Variants in PNKP observed in about 807,000 individuals in gnomAD.
The protein encoded by PNKP is polynucleotide kinase 3'-phosphatase.
In PNKP, 82 loss-of-function variants were observed where a neutral mutation model predicts 66.2. The ratio of observed to expected loss-of-function variants is 1.24; its 90% CI spans 1.04 to 1.49. The LOEUF is 1.49. Among genes scored for constraint, PNKP ranks in the 40% most tolerant of loss-of-function variants. PNKP has a pLI of 0.00. For synonymous variants in PNKP, 412 were observed against 298.9 expected, an observed-to-expected ratio of 1.38 and a Z score of -3.90; for missense variants, 907 against 706.8, an observed-to-expected ratio of 1.28 and a Z score of -3.21.
rs749242089 is a variant in PNKP at position 49,865,601 on chromosome 19, C to CT, written c.199-176dup. The CT allele has an allele frequency of 0.041, 12,915 of 315,432 alleles. 9 individuals carry two copies. The highest frequency in any genetic ancestry group is 0.05 in the South Asian group (1,351 of 27,276). 19.5% of individuals were successfully genotyped at this position (315,432 alleles called of 1,614,324 possible). ...TACAGGTTTTCAGCCTTGTCCGAAT[C>CT]TTTTTTTTTTTTTTTTTTTTTTTTC... is the stretch of plus-strand genomic sequence containing the variant. On this transcript the variant is annotated intron_variant, in intron 3 of 16. Coordinates refer to ENST00000322344, the MANE Select transcript of PNKP (RefSeq NM_007254.4).
intron 11 of PNKP, 23 bp from the exon 12 acceptor site, chr19:49,862,304 G>A (rs1178125532): frequency 3.2e-6 from 5 of 1,550,152 alleles, no homozygotes; most frequent in Middle Eastern, 2.1e-4. Context: ...GGGGACACGC[G>A]TGAGATGCCG....
At position 49,862,315 on chromosome 19, in the gene PNKP, T is replaced by A. The variant is rs3739201; in HGVS notation, c.1030-34A>T. 4 of 1,544,276 alleles carry A rather than the reference T, an allele frequency of 2.6e-6. No homozygotes were observed. The South Asian group carries it at 3.6e-5, about 14-fold the overall frequency. On this transcript the variant is annotated intron_variant, in intron 11 of 16. Transcript: ENST00000322344. ...GGCGGGGGACACGCGTGAGATGCCG[T>A]CCCCATCCCCGGGAGCCCTCCCATC...
chr19:49,867,251 C>T, intron 1 of PNKP, 34 bp from the exon 2 acceptor site: 1 of 1,569,420 alleles, frequency 6.4e-7, no homozygotes, highest in East Asian at 2.4e-5. Context: ...GAGCGGCGCA[C>T]AGCCCCAATT....
At chr19:49,866,473 T>C (rs1479303541) in intron 2 of PNKP, 28 bp from the exon 3 acceptor site, 1 of 1,612,320 alleles carries the variant, frequency 6.2e-7, no homozygotes, top group African/African-American at 1.3e-5. Flanking sequence ...GGAGTCAGGA[T>C]TTGCATCCTT....
At chr19:49,862,340 C>CGGG in intron 11 of PNKP, 31 bp downstream of exon 11, 1 of 652,670 alleles carries the variant, frequency 1.5e-6, no homozygotes, top group Non-Finnish European at 2.7e-6. Context: ...GCCCTCCCAT[C>CGGG]CCCACCCCCA....
chr19:49,866,530 T>C lies in PNKP; in HGVS notation c.152-85A>G, dbSNP rs3739172. ...CTGGGGAGTGTGGCCTGCTTCAGGC[T>C]ATAGCATCCAGGGAGTAAGAGGCAG... is the stretch of plus-strand genomic sequence containing the variant. On this transcript the variant is annotated intron_variant, in intron 2 of 16. Transcript: ENST00000322344. 0.018 allele frequency: 23,746 copies of C among 1,304,410 alleles called. 274 individuals are homozygous for C. The highest frequency in any genetic ancestry group is 0.023 in the Non-Finnish European group (20,250 of 897,206). 80.8% of individuals were successfully genotyped at this position (1,304,410 alleles called of 1,614,324 possible).
intron 15 of PNKP, 27 bp downstream of exon 15, chr19:49,861,581 G>T (rs951128702): frequency 6.4e-7 from 1 of 1,559,806 alleles, no homozygotes; most frequent in African/African-American, 1.4e-5. Context: ...GTGCAGCCCG[G>T]GGGGTGTCCG....
chr19:49,866,633 G>A, intron 2 of PNKP, 188 bp from the exon 3 acceptor site: 1 of 703,668 alleles, frequency 1.4e-6, no homozygotes, highest in Non-Finnish European at 2.6e-6. Context: ...ACTGGTCCTT[G>A]CAAGGGACAG....
In PNKP at chr19:49,861,275, C is replaced by T. The variant is rs776243333; in HGVS notation, c.1539G>A (p.Arg513=). 1.2e-6 allele frequency: 2 copies of T among 1,613,036 alleles called. No homozygotes were observed. Among genetic ancestry groups the T allele is most frequent in the Admixed American group, 1.7e-5 (1 of 60,032 alleles). The change falls in exon 17 of 17, where the codon CGG becomes CGA. Residue 513 remains arginine (R), a synonymous_variant. Coordinates refer to ENST00000322344, the MANE Select transcript of PNKP (RefSeq NM_007254.4). ...AGCCCTCGGAGAACTGGCAGTACAG[C>T]CGCCCCAGCCTCGGCTCCACCCATA... ...FRLWVEPRLG[R]LYCQFSEG
rs766826936 is a variant in PNKP, at chr19:49,865,268, C to T, written c.357G>A (p.Pro119=). ...TRTPESQPDT[P]PGTPLVSQDE... ...CTTGGGACACCAGAGGGGTGCCAGG[C>T]GGAGTATCTGGCTGGGATTCTGGTG... Residue 119 remains proline (P), a synonymous_variant, in exon 4 of 17, where the codon CCG becomes CCA. Transcript: ENST00000322344. 23 of 1,614,088 alleles carry T rather than the reference C, an allele frequency of 1.4e-5. No individual in the cohort carries two copies. In the East Asian group the frequency reaches 2.9e-4, roughly 20 times the overall value.
chr19:49,862,158 GC>G, intron 12 of PNKP, 26 bp downstream of exon 12: 2 of 1,613,328 alleles, frequency 1.2e-6, no homozygotes, highest in Non-Finnish European at 1.7e-6. Context: ...GGGGCTCAGG[GC>G]ACGCGCACAG....
intron 13 of PNKP, 73 bp downstream of exon 13, chr19:49,861,971 C>T: frequency 2.5e-6 from 4 of 1,594,562 alleles, no homozygotes; most frequent in Non-Finnish European, 2.6e-6. Context: ...TGGAGGAAAG[C>T]CGCCCCAAAC....
At chr19:49,862,930 C>A (rs2074789643) in intron 8 of PNKP, 192 bp from the exon 9 acceptor site, 2 of 689,864 alleles carry the variant, frequency 2.9e-6, no homozygotes, top group Non-Finnish European at 2.6e-6. Context: ...TCCACACAGC[C>A]CCCTCCCTCC....
rs1298297107 is a variant in PNKP, at chr19:49,865,175, C to T, written c.450G>A (p.Leu150=). 2 of 1,614,254 alleles carry T rather than the reference C, an allele frequency of 1.2e-6. No homozygotes were observed. The highest frequency in any genetic ancestry group is 1.7e-6 in the Non-Finnish European group (2 of 1,180,038). Residue 150 remains leucine, a synonymous_variant, in exon 4 of 17, where the codon TTG becomes TTA. Transcript: ENST00000322344. ...MRKSNPGWEN[L]EKLLVFTAAG... ...CTGCGGTGAACACTAGCAACTTCTCCAAGTTCTCCCAGCCGGGGTTTGACT... is the reference window on the plus strand; with the variant it reads ...CTGCGGTGAACACTAGCAACTTCTCTAAGTTCTCCCAGCCGGGGTTTGACT...
rs1038434528 is a variant in PNKP, at chr19:49,865,426, G to C, written c.199C>G (p.Leu67Val). The change falls in exon 4 of 17, where the codon CTG becomes GTG. Residue 67 changes from leucine to valine, a missense_variant and splice_region_variant. By Grantham distance (32) the Leu-to-Val change is conservative. Transcript: ENST00000322344. Reference protein sequence around the residue: ...PETRTVAVKQLGVNPSTTGTQ... With the variant: ...PETRTVAVKQVGVNPSTTGTQ... ...CCGGTAGTTGAGGGGTTAACTCCCA[G>C]CTGCAGAAAGAGAGGGAGGAGCTGG... The C allele has an allele frequency of 6.3e-7, 1 of 1,599,006 alleles. No individual in the cohort carries two copies. Among genetic ancestry groups the C allele is most frequent in the South Asian group, 1.1e-5 (1 of 89,164 alleles).
At chr19:49,866,318 T>C (rs1276266877) in intron 3 of PNKP, 81 bp downstream of exon 3, 11 of 1,297,018 alleles carry the variant, frequency 8.5e-6, no homozygotes, top group East Asian at 6.9e-5. Flanking sequence ...ATTTTCCTAA[T>C]GTACCCCTTC....
intron 3 of PNKP, 37 bp downstream of exon 3, chr19:49,866,362 C>G: frequency 6.3e-7 from 1 of 1,596,610 alleles, no homozygotes; most frequent in Middle Eastern, 1.7e-4. Flanking sequence ...CAAATCCCAT[C>G]CCCAGGCCTT....
At chr19:49,865,027 C>G in intron 4 of PNKP, 100 bp downstream of exon 4, 1 of 943,824 alleles carries the variant, frequency 1.1e-6, no homozygotes. Context: ...GCCCATTTCT[C>G]AGAAAAGTAA....
chr19:49,863,203 C>G (rs958499453), intron 8 of PNKP, among the ~76,000 whole-genome samples: 9 of 152,196 alleles, frequency 5.9e-5, no homozygotes, highest in African/African-American at 2.2e-4. Context: ...GGGGGGACCG[C>G]TTTCCCCAGG....
Sources: gnomAD v4.1 joint callset for allele counts (sites outside exome capture counted in the v4.1 genomes callset) on GRCh38, gnomAD v4.1.1 for gene constraint, MANE v1.5 for transcripts, NCBI Gene and HGNC (gene_info 2026-07-23, HGNC 2026-07-21) for gene names.